The following ANO6 variants were observed in gnomAD, a reference collection of about 807,000 sequenced individuals.
ANO6 encodes anoctamin-6.
Under a neutral mutation model 117.5 loss-of-function variants are expected in ANO6, and 106 were observed. That is an observed-to-expected ratio of 0.90 (90% confidence interval 0.77 to 1.06). The LOEUF (loss-of-function observed/expected upper bound fraction) is 1.06, where lower values mean the gene tolerates loss of function less well. Ranked by LOEUF, ANO6 falls within the 50% of genes least tolerant of loss-of-function variation. The pLI, the probability that ANO6 is intolerant of heterozygous loss-of-function variation, is 0.00. For synonymous variants in ANO6, 367 were observed against 385.1 expected, an observed-to-expected ratio of 0.95 and a Z score of 0.55; for missense variants, 955 against 1,121.1, an observed-to-expected ratio of 0.85 and a Z score of 2.12.
At chr12:45,415,368 G>A (rs753436693) in intron 16 of ANO6, among the ~76,000 whole-genome samples, 10 of 152,116 alleles carry the variant, frequency 6.6e-5, no homozygotes, top group Non-Finnish European at 1.2e-4. Context: ...CCTAATCTCT[G>A]GCTTCTCTTG....
chr12:45,346,647 CG>C (rs202048632), intron 3 of ANO6, among the ~76,000 whole-genome samples: 1,540 of 152,244 alleles, frequency 0.01, 21 homozygotes, highest in African/African-American at 0.034. Context: ...TCTGAAAACT[CG>C]TATCAGTGAA....
At position 45,390,401 on chromosome 12, in the gene ANO6, T is replaced by C; in HGVS notation, c.1309-20T>C. 1 of 1,601,670 alleles carries C rather than the reference T, an allele frequency of 6.2e-7. No individual in the cohort carries two copies. Among genetic ancestry groups the C allele is most frequent in the Non-Finnish European group, 8.6e-7 (1 of 1,168,912 alleles). On this transcript the variant is annotated intron_variant, in intron 11 of 19. Transcript: ENST00000320560. ...ACAGTAATCCCTTGATTGACTAAACTTTTTTGTTTTTGTAATTAGGAAGAA... is the reference window on the plus strand; with the variant it reads ...ACAGTAATCCCTTGATTGACTAAACCTTTTTGTTTTTGTAATTAGGAAGAA...
At chr12:45,390,645 G>T in intron 12 of ANO6, 147 bp downstream of exon 12, 1 of 768,364 alleles carries the variant, frequency 1.3e-6, no homozygotes, top group South Asian at 1.6e-5. Context: ...GATATTTCCA[G>T]ATAACTATTT....
intron 1 of ANO6, chr12:45,228,032 G>A (rs1947512022): frequency 8.9e-6 from 2 of 224,594 alleles, no homozygotes; most frequent in South Asian, 8.7e-5. Context: ...CTGACACACA[G>A]TGGCTCCCAA....
At chr12:45,385,884 C>T (rs1015430117) in intron 10 of ANO6, among the ~76,000 whole-genome samples, 16 of 152,280 alleles carry the variant, frequency 1.1e-4, no homozygotes, top group African/African-American at 3.9e-4. Flanking sequence ...TGCTTTTAAA[C>T]ATGTTCAGTT....
intron 12 of ANO6, 84 bp from the exon 13 acceptor site, chr12:45,401,711 C>G: frequency 9.1e-7 from 1 of 1,101,814 alleles, no homozygotes; most frequent in Admixed American, 1.7e-5. Flanking sequence ...TACACACACA[C>G]CTTGTTAAGT....
At chr12:45,218,062 AT>A (rs1319216093) in intron 1 of ANO6, among the ~76,000 whole-genome samples, 3 of 152,130 alleles carry the variant, frequency 2.0e-5, no homozygotes, top group African/African-American at 7.2e-5. Context: ...AGCTCTTTTT[AT>A]TTTTAATGAC....
chr12:45,219,296 CA>C (rs1184549395), intron 1 of ANO6, among the ~76,000 whole-genome samples: 3 of 152,100 alleles, frequency 2.0e-5, no homozygotes, highest in Non-Finnish European at 4.4e-5. Context: ...GCCTTTTAAA[CA>C]GTGGGTTCCT....
intron 1 of ANO6, chr12:45,292,967 G>T (rs1442886700): frequency 3.2e-6 from 5 of 1,551,142 alleles, no homozygotes; most frequent in South Asian, 1.2e-5. Flanking sequence ...TGAGTTGCTG[G>T]AACAGTGAGC....
chr12:45,301,893 A>G (rs968651234), intron 1 of ANO6, 121 bp from the exon 2 acceptor site: 3 of 820,344 alleles, frequency 3.7e-6, no homozygotes, highest in Non-Finnish European at 6.2e-6. Flanking sequence ...GGGTTAAATA[A>G]TATAAACCTG....
At chr12:45,391,169 A>G (rs1028667511) in intron 12 of ANO6, among the ~76,000 whole-genome samples, 1 of 152,206 alleles carries the variant, frequency 6.6e-6, no homozygotes, top group Non-Finnish European at 1.5e-5. Context: ...AAAAGATAAT[A>G]GGAACTATCA....
At chr12:45,294,537 T>G (rs1247824996) in intron 1 of ANO6, among the ~76,000 whole-genome samples, 1 of 152,198 alleles carries the variant, frequency 6.6e-6, no homozygotes. Flanking sequence ...GACAGAGAAC[T>G]GTAATGAAAA....
chr12:45,376,739 TATACCTAATGCTAGATGATG>T (rs1942033359), intron 9 of ANO6, among the ~76,000 whole-genome samples: 2 of 149,518 alleles, frequency 1.3e-5, no homozygotes, highest in South Asian at 4.3e-4. Flanking sequence ...CATTGGGAGG[TATACCTAATGCTAGATGATG>T]AGTTAGTGGG....
At chr12:45,363,226 T>C (rs1039308057) in intron 8 of ANO6, among the ~76,000 whole-genome samples, 3 of 149,968 alleles carry the variant, frequency 2.0e-5, no homozygotes, top group African/African-American at 7.6e-5. Context: ...ACTTGAAAAG[T>C]TTTAGATTTT....
intron 1 of ANO6, among the ~76,000 whole-genome samples, chr12:45,287,933 T>A (rs1938969779): frequency 6.6e-6 from 1 of 152,194 alleles, no homozygotes; most frequent in African/African-American, 2.4e-5. Context: ...AACATAACAA[T>A]TTTTAAAATT....
Position 45,283,239 on chromosome 12 carries a change from T to C in ANO6, c.71-18775T>C, listed in dbSNP as rs188792544. ...GTGATACATTTCCTAAGGAGAGGCT[T>C]TTTACTTTTTTAAGATGGAATAAAT... On this transcript the variant is annotated intron_variant, in intron 1 of 19. Transcript: ENST00000320560. 6.6e-5 allele frequency among the ~76,000 whole-genome samples: 10 copies of C among 152,298 alleles called. No individual in the cohort carries two copies. In the East Asian group the frequency reaches 1.5e-3, roughly 23 times the overall value.
chr12:45,389,938 T>A (rs1942397513), intron 11 of ANO6, among the ~76,000 whole-genome samples: 1 of 152,220 alleles, frequency 6.6e-6, no homozygotes, highest in South Asian at 2.1e-4. Flanking sequence ...TCTTAAGAAT[T>A]TAAATATATT....
rs1943615911 is a variant in ANO6, at chr12:45,430,895, CT to C, written c.*1585del. 1 of 985,224 alleles carries C rather than the reference CT, an allele frequency of 1.0e-6. No individual in the cohort carries two copies. Among genetic ancestry groups the C allele is most frequent in the African/African-American group, 1.7e-5 (1 of 57,202 alleles). 61.0% of individuals were successfully genotyped at this position (985,224 alleles called of 1,614,324 possible). A position where few individuals can be genotyped will look rare whatever the true frequency, so the allele number is the denominator to read the frequency against. On this transcript the variant is annotated 3_prime_UTR_variant, in exon 20 of 20. Transcript: ENST00000320560. Reference sequence around the variant, plus strand: ...GGAGGTGATTTGCATCATGGTCATGCTGCATGGGCTTCACTGGGATGCTGTT... The same window carrying C: ...GGAGGTGATTTGCATCATGGTCATGCGCATGGGCTTCACTGGGATGCTGTT...
chr12:45,235,464 G>A (rs555547315), intron 1 of ANO6, among the ~76,000 whole-genome samples: 4 of 152,290 alleles, frequency 2.6e-5, no homozygotes, highest in Non-Finnish European at 5.9e-5. Context: ...ACTGCAATGT[G>A]GGAAAACCAC....
Sources: allele counts gnomAD v4.1 joint callset (sites outside exome capture counted in the v4.1 genomes callset), GRCh38; gene constraint gnomAD v4.1.1; transcripts MANE v1.5; gene names NCBI Gene and HGNC (gene_info 2026-07-23, HGNC 2026-07-21).